The following TG variants were observed in gnomAD, a reference collection of about 807,000 sequenced individuals.
TG encodes thyroid hormones.
TG carries 270 observed loss-of-function variants against 324.7 expected under a neutral mutation model. The ratio of observed to expected loss-of-function variants is 0.83; its 90% confidence interval spans 0.75 to 0.92. The LOEUF (loss-of-function observed/expected upper bound fraction) is 0.92, where lower values mean the gene tolerates loss of function less well. Ranked by LOEUF, TG falls within the 40% of genes least tolerant of loss-of-function variation. The probability of loss-of-function intolerance (pLI) is 0.00; values close to 1 mark genes in which losing one functional copy is unlikely to be tolerated. For synonymous variants in TG, 1,401 were observed against 1,327.0 expected (o/e 1.06, Z -1.21); for missense variants, 3,591 against 3,456.4 (o/e 1.04, Z -0.98).
intron 27 of TG, among the ~76,000 whole-genome samples, chr8:132,950,803 A>C (rs1261312909): frequency 6.6e-6 from 1 of 152,250 alleles, no homozygotes; most frequent in Non-Finnish European, 1.5e-5. Context: ...AGGAGAGGAT[A>C]TAACAATAAA....
At chr8:132,960,808 C>T (rs1827635388) in intron 27 of TG, among the ~76,000 whole-genome samples, 200 bp from the exon 28 acceptor site, 1 of 152,126 alleles carries the variant, frequency 6.6e-6, no homozygotes, top group African/African-American at 2.4e-5. Context: ...GAGTATGACA[C>T]CCATGTCTGA....
intron 29 of TG, among the ~76,000 whole-genome samples, chr8:132,963,818 TG>T (rs1259043288): frequency 1.3e-5 from 2 of 151,950 alleles, no homozygotes; most frequent in Non-Finnish European, 2.9e-5. Flanking sequence ...GAAGGCAGCA[TG>T]GTACAGGGGA....
intron 18 of TG, among the ~76,000 whole-genome samples, chr8:132,909,560 C>T (rs1028477459): frequency 2.0e-5 from 3 of 152,118 alleles, no homozygotes; most frequent in Non-Finnish European, 4.4e-5. Context: ...AGACAGAGAG[C>T]TTCTAAGGTC....
intron 41 of TG, chr8:133,045,114 C>A (rs1839068731): frequency 6.2e-7 from 1 of 1,614,130 alleles, no homozygotes; most frequent in Non-Finnish European, 8.5e-7. Flanking sequence ...GTGAGTAAAA[C>A]CCTGCAGGAG....
At chr8:133,094,819 A>G in intron 41 of TG, 1 of 624,584 alleles carries the variant, frequency 1.6e-6, no homozygotes, top group Non-Finnish European at 2.9e-6. Flanking sequence ...CTCACTTCAC[A>G]GGTTAGGAAA....
At position 133,116,684 on chromosome 8, in the gene TG, G is replaced by A. The variant is rs1231359561; in HGVS notation, c.7830G>A (p.Met2610Ile). ...AGAGGGCCCGAGGAAACGTCTTCATGTACCATGCTCCTGAAAACTACGGCC... is the reference window on the plus strand; with the variant it reads ...AGAGGGCCCGAGGAAACGTCTTCATATACCATGCTCCTGAAAACTACGGCC... Reference protein sequence around the residue: ...WAKRARGNVFMYHAPENYGHG... With the variant: ...WAKRARGNVFIYHAPENYGHG... Residue 2610 changes from methionine (M) to isoleucine (I), a missense_variant, in exon 45 of 48, where the codon ATG becomes ATA. By Grantham distance (10) the Met-to-Ile change is conservative (BLOSUM62 1). Coordinates refer to ENST00000220616, the MANE Select transcript of TG (RefSeq NM_003235.5). The A allele has an allele frequency of 1.2e-6, 2 of 1,614,250 alleles. No individual in the cohort carries two copies. The highest frequency in any genetic ancestry group is 2.2e-5 in the East Asian group (1 of 44,888).
chr8:132,882,933 TGG>T lies in TG; in HGVS notation c.1010_1011del (p.Trp337LeufsTer23). 6.2e-7 allele frequency: 1 copy of T among 1,614,144 alleles called. No homozygotes were observed. On this transcript the variant is annotated frameshift_variant, in exon 8 of 48. Transcript: ENST00000220616. LOFTEE classifies it high-confidence loss of function. ...GCAGTGCCAGACGGAAGGGCCCTGC[TGG>T]TGTGTGGACGCCCAGGGGAAGGAAA... Reference protein sequence around the residue: ...AVQCQTEGPCWCVDAQGKEMH... With the variant: ...AVQCQTEGPCXCVDAQGKEMH...
intron 41 of TG, among the ~76,000 whole-genome samples, chr8:133,082,693 C>T (rs1016398999): frequency 1.3e-5 from 2 of 152,194 alleles, no homozygotes; most frequent in African/African-American, 4.8e-5. Flanking sequence ...TAAACCTTGC[C>T]CAATCACTTC....
chr8:133,133,376 C>G (rs1343475387), intron 46 of TG, 94 bp from the exon 47 acceptor site: 1 of 1,249,884 alleles, frequency 8.0e-7, no homozygotes. Flanking sequence ...CATGAATTGT[C>G]CCTCAGATAC....
chr8:133,018,116 A>T, intron 38 of TG, 119 bp downstream of exon 38: 1 of 942,902 alleles, frequency 1.1e-6, no homozygotes, highest in Non-Finnish European at 1.7e-6. Context: ...TGTATGGAGG[A>T]TGGAATATAT....
intron 43 of TG, among the ~76,000 whole-genome samples, chr8:133,103,760 C>T (rs527942256): frequency 6.6e-6 from 1 of 152,302 alleles, no homozygotes; most frequent in Admixed American, 6.5e-5. Flanking sequence ...GTCATTCAAG[C>T]ATTAACCCAT....
At chr8:132,957,419 T>C (rs1283662908) in intron 27 of TG, among the ~76,000 whole-genome samples, 4 of 152,166 alleles carry the variant, frequency 2.6e-5, no homozygotes, top group African/African-American at 9.7e-5. Flanking sequence ...CAGTACATTC[T>C]GGGCCAAAAA....
intron 34 of TG, among the ~76,000 whole-genome samples, chr8:132,982,121 A>G (rs1335963695): frequency 1.3e-5 from 2 of 152,254 alleles, no homozygotes; most frequent in Non-Finnish European, 2.9e-5. Flanking sequence ...GAGCTGCACC[A>G]GTATCAGCTC....
intron 22 of TG, among the ~76,000 whole-genome samples, chr8:132,926,896 C>T (rs1171165978): frequency 6.6e-6 from 1 of 152,188 alleles, no homozygotes; most frequent in African/African-American, 2.4e-5. Flanking sequence ...TGCTGCCTCT[C>T]TCTCTGAAAT....
chr8:133,020,119 A>G (rs191284112), intron 39 of TG, among the ~76,000 whole-genome samples: 7 of 152,346 alleles, frequency 4.6e-5, no homozygotes, highest in African/African-American at 1.7e-4. Flanking sequence ...CCTGGGGCTA[A>G]GAGAGGCTAA....
At chr8:132,910,347 CAG>C (rs1164065685) in intron 18 of TG, among the ~76,000 whole-genome samples, 1 of 152,194 alleles carries the variant, frequency 6.6e-6, no homozygotes, top group Non-Finnish European at 1.5e-5. Context: ...TCATTGGTGA[CAG>C]AGTTCACTTT....
At chr8:133,060,289 A>T (rs1272372147) in intron 41 of TG, 1 of 1,585,304 alleles carries the variant, frequency 6.3e-7, no homozygotes, top group East Asian at 2.3e-5. Context: ...ATCGTGCATC[A>T]TTTTTCTGGC....
At chr8:132,957,149 C>T (rs1381245512) in intron 27 of TG, among the ~76,000 whole-genome samples, 2 of 152,170 alleles carry the variant, frequency 1.3e-5, no homozygotes, top group Admixed American at 1.3e-4. Context: ...GGGGTTATAA[C>T]TTTCCTTGTG....
chr8:133,049,685 C>T (rs1840057612), intron 41 of TG: 2 of 552,310 alleles, frequency 3.6e-6, no homozygotes, highest in South Asian at 4.2e-5. Context: ...GTCCAACTTC[C>T]TTCATTTTAC....
Sources: gnomAD v4.1 joint callset for allele counts (sites outside exome capture counted in the v4.1 genomes callset) on GRCh38, gnomAD v4.1.1 for gene constraint, MANE v1.5 for transcripts, NCBI Gene and HGNC (gene_info 2026-07-23, HGNC 2026-07-21) for gene names.